PCDH15: variants seen among roughly 807,000 people sequenced by gnomAD.
PCDH15 encodes protocadherin-15.
In PCDH15, 129 loss-of-function variants were observed where a neutral mutation model predicts 178.5. The ratio of observed to expected loss-of-function variants is 0.72; its 90% confidence interval spans 0.63 to 0.84. The LOEUF is 0.84. PCDH15 is among the 40% of genes least tolerant of loss of function. The pLI is 0.00. For missense variants in PCDH15, 2,230 were observed against 2,099.9 expected, an observed-to-expected ratio of 1.06 and a Z score of -1.21; for synonymous variants, 800 against 732.0, an observed-to-expected ratio of 1.09 and a Z score of -1.50.
intron 2 of PCDH15, among the ~76,000 whole-genome samples, chr10:54,549,608 T>G (rs2133148657): frequency 6.6e-6 from 1 of 151,942 alleles, no homozygotes; most frequent in African/African-American, 2.4e-5. Context: ...TTATTAAAAA[T>G]AATGTATGTT....
intron 2 of PCDH15, among the ~76,000 whole-genome samples, chr10:54,952,309 T>TATC (rs1591803047): frequency 6.6e-6 from 1 of 151,854 alleles, no homozygotes; most frequent in Non-Finnish European, 1.5e-5. Flanking sequence ...AGAGATTAGC[T>TATC]ATCTCTATTT....
intron 2 of PCDH15, among the ~76,000 whole-genome samples, chr10:54,955,120 T>C (rs1472573875): frequency 1.3e-5 from 2 of 151,238 alleles, no homozygotes; most frequent in Admixed American, 1.3e-4. Context: ...AGAAGCTTTC[T>C]TGGCAAGAAA....
chr10:53,938,721 A>T, intron 25 of PCDH15, 94 bp downstream of exon 25: 1 of 1,322,202 alleles, frequency 7.6e-7, no homozygotes, highest in Non-Finnish European at 1.1e-6. Context: ...TATGTTGTCC[A>T]CTGAGAATGA....
intron 2 of PCDH15, among the ~76,000 whole-genome samples, chr10:55,451,064 T>C (rs1839425449): frequency 6.7e-6 from 1 of 150,170 alleles, no homozygotes; most frequent in South Asian, 2.1e-4. Context: ...AGAGCTACAA[T>C]GGCATGATAG....
chr10:54,280,921 T>G (rs2132715002), intron 8 of PCDH15, among the ~76,000 whole-genome samples: 1 of 151,942 alleles, frequency 6.6e-6, no homozygotes, highest in African/African-American at 2.4e-5. Flanking sequence ...ACTCTCAAAT[T>G]TATATAATTT....
chr10:55,466,767 C>G (rs1316289709), intron 2 of PCDH15, among the ~76,000 whole-genome samples: 1 of 152,122 alleles, frequency 6.6e-6, no homozygotes, highest in Non-Finnish European at 1.5e-5. Context: ...AAAAAGAAAA[C>G]AGTTCCCATT....
At chr10:53,979,583 C>G (rs191325278) in intron 21 of PCDH15, among the ~76,000 whole-genome samples, 1 of 152,206 alleles carries the variant, frequency 6.6e-6, no homozygotes, top group Non-Finnish European at 1.5e-5. Context: ...GACAGCTTCT[C>G]ATATTCGTCT....
chr10:54,051,193 G>C (rs557405986), intron 18 of PCDH15, among the ~76,000 whole-genome samples: 2 of 152,128 alleles, frequency 1.3e-5, no homozygotes, highest in African/African-American at 4.8e-5. Context: ...CAGAAAGTAG[G>C]GTTGCTGTAA....
At chr10:54,294,992 G>A (rs920526) in intron 8 of PCDH15, among the ~76,000 whole-genome samples, 75,062 of 151,944 alleles carry the variant, frequency 0.49, 19,222 homozygotes, top group Middle Eastern at 0.59. Flanking sequence ...TTGAAACTGG[G>A]TGATAAATTC....
At chr10:53,885,645 T>G (rs1413677723) in intron 26 of PCDH15, among the ~76,000 whole-genome samples, 1 of 152,138 alleles carries the variant, frequency 6.6e-6, no homozygotes, top group Non-Finnish European at 1.5e-5. Context: ...TATAACATGG[T>G]GCTAAGATAA....
intron 2 of PCDH15, among the ~76,000 whole-genome samples, chr10:54,931,708 ATT>A (rs1837781148): frequency 6.6e-6 from 1 of 152,134 alleles, no homozygotes; most frequent in Admixed American, 6.6e-5. Flanking sequence ...TGCCTTTTGC[ATT>A]TTTGCAAGTT....
chr10:54,590,550 G>A (rs775774783), intron 2 of PCDH15, among the ~76,000 whole-genome samples: 4 of 152,014 alleles, frequency 2.6e-5, no homozygotes, highest in South Asian at 2.1e-4. Context: ...TATTATCTAC[G>A]GAGAATTATT....
chr10:54,396,496 T>C (rs1951245134), intron 3 of PCDH15, among the ~76,000 whole-genome samples: 2 of 152,130 alleles, frequency 1.3e-5, no homozygotes, highest in African/African-American at 4.8e-5. Flanking sequence ...GAAAAAAATA[T>C]TATTCCTCTT....
At chr10:53,922,415 T>C (rs1031744162) in intron 25 of PCDH15, among the ~76,000 whole-genome samples, 1 of 152,182 alleles carries the variant, frequency 6.6e-6, no homozygotes, top group Non-Finnish European at 1.5e-5. Context: ...GTAGACATAT[T>C]TACCCTAAGA....
At chr10:54,532,280 T>C (rs2084007323) in intron 2 of PCDH15, among the ~76,000 whole-genome samples, 1 of 151,666 alleles carries the variant, frequency 6.6e-6, no homozygotes. Context: ...ACAAATATGA[T>C]TCTAGAATGT....
intron 1 of PCDH15, among the ~76,000 whole-genome samples, chr10:54,708,979 C>G (rs1230674885): frequency 2.6e-5 from 4 of 152,040 alleles, no homozygotes; most frequent in African/African-American, 9.7e-5. Flanking sequence ...ATTTTTATCG[C>G]TTGAGTTAGA....
At chr10:54,002,666 A>G (rs1038363106) in intron 20 of PCDH15, among the ~76,000 whole-genome samples, 1 of 152,222 alleles carries the variant, frequency 6.6e-6, no homozygotes, top group Admixed American at 6.5e-5. Flanking sequence ...ACAAAGTATC[A>G]AAACCAATAG....
At chr10:55,080,848 T>C (rs1842023315) in intron 2 of PCDH15, among the ~76,000 whole-genome samples, 1 of 152,034 alleles carries the variant, frequency 6.6e-6, no homozygotes, top group African/African-American at 2.4e-5. Context: ...GAGGGTGGGG[T>C]TGCTGCTCCC....
At chr10:54,419,029 T>A (rs1041551748) in intron 3 of PCDH15, among the ~76,000 whole-genome samples, 5 of 151,970 alleles carry the variant, frequency 3.3e-5, no homozygotes, top group Non-Finnish European at 7.4e-5. Flanking sequence ...TCAATAAAAA[T>A]TTTATTATAG....
Sources: allele counts gnomAD v4.1 joint callset (sites outside exome capture counted in the v4.1 genomes callset), GRCh38; gene constraint gnomAD v4.1.1; transcripts MANE v1.5; gene names NCBI Gene and HGNC (gene_info 2026-07-23, HGNC 2026-07-21).